CMIP: variants seen among roughly 807,000 people sequenced by gnomAD.
CMIP encodes the protein C-Maf-inducing protein.
A neutral mutation model predicts 97.3 loss-of-function variants in CMIP; 13 were observed. That is an observed-to-expected ratio of 0.13 (90% CI 0.09 to 0.21). CMIP has a LOEUF of 0.21. CMIP is among the 10% of genes least tolerant of loss of function. The pLI is 1.00. For synonymous variants in CMIP, 538 were observed against 436.3 expected, an observed-to-expected ratio of 1.23 and a Z score of -2.91; for missense variants, 847 against 1,024.9, an observed-to-expected ratio of 0.83 and a Z score of 2.37.
At chr16:81,645,375 C>A (rs1191939529) in intron 3 of CMIP, 4 of 1,455,184 alleles carry the variant, frequency 2.7e-6, no homozygotes, top group Non-Finnish European at 3.6e-6. Flanking sequence ...CGCGCGAGCC[C>A]CAGAGGCTGC....
intron 1 of CMIP, among the ~76,000 whole-genome samples, chr16:81,560,223 GTTTT>G (rs758040541): frequency 7.8e-4 from 85 of 108,498 alleles, no homozygotes; most frequent in Middle Eastern, 4.9e-3. Context: ...GTTTTGTTTT[GTTTT>G]TTTTTTTTTG....
intron 9 of CMIP, among the ~76,000 whole-genome samples, chr16:81,676,125 T>G (rs1904303970): frequency 6.6e-6 from 1 of 152,160 alleles, no homozygotes; most frequent in Non-Finnish European, 1.5e-5. Flanking sequence ...GGCAAGGAGA[T>G]GCCAGGTTGG....
rs1381906760 is a variant in CMIP at position 81,660,890 on chromosome 16, G to A, written c.688G>A (p.Ala230Thr). The change falls in exon 6 of 21, where the codon GCT becomes ACT. Residue 230 changes from alanine (A) to threonine (T), a missense_variant. Ala to Thr is a moderately conservative substitution (Grantham distance 58). This residue lies in a region of CMIP where 285 missense variants were observed against 392.2 expected (regional missense o/e 0.73). Coordinates refer to ENST00000537098, the MANE Select transcript of CMIP (RefSeq NM_198390.3). ...QEHENIIVAI[A>T]PLLENNHPPP... ...CTTGTTTGTTGTGTTTCAGGCAATC[G>A]CTCCTTTGCTGGAAAACAACCACCC... 1 of 1,613,880 alleles carries A rather than the reference G, an allele frequency of 6.2e-7. No homozygotes were observed. Among genetic ancestry groups the A allele is most frequent in the Non-Finnish European group, 8.5e-7 (1 of 1,179,880 alleles).
chr16:81,600,275 G>GAAAAAAAAAAAA (rs71146022), intron 1 of CMIP, among the ~76,000 whole-genome samples: 3 of 81,674 alleles, frequency 3.7e-5, no homozygotes, highest in African/African-American at 1.5e-4. Flanking sequence ...GACTCCATCT[G>GAAAAAAAAAAAA]AAAAAAAAAA....
chr16:81,521,718 C>T (rs1282411824), intron 1 of CMIP, among the ~76,000 whole-genome samples: 1 of 152,154 alleles, frequency 6.6e-6, no homozygotes, highest in African/African-American at 2.4e-5. Context: ...CAGGAGAAAC[C>T]AATTGGCTTT....
chr16:81,459,696 A>G (rs567111210), intron 1 of CMIP, among the ~76,000 whole-genome samples: 1 of 152,272 alleles, frequency 6.6e-6, no homozygotes, highest in East Asian at 1.9e-4. Context: ...CCGTGGGGTA[A>G]ACTGCGTAGC....
chr16:81,560,944 A>G (rs180729270), intron 1 of CMIP, among the ~76,000 whole-genome samples: 2 of 152,074 alleles, frequency 1.3e-5, no homozygotes, highest in Non-Finnish European at 2.9e-5. Flanking sequence ...ACCTATCCCC[A>G]TTGTTAAGAG....
intron 1 of CMIP, among the ~76,000 whole-genome samples, chr16:81,499,303 G>A (rs1400414335): frequency 6.6e-6 from 1 of 152,116 alleles, no homozygotes; most frequent in Non-Finnish European, 1.5e-5. Flanking sequence ...ATGCATGGAA[G>A]GACACTCGGC....
intron 1 of CMIP, among the ~76,000 whole-genome samples, chr16:81,576,980 A>G (rs2091199876): frequency 6.6e-6 from 1 of 152,028 alleles, no homozygotes; most frequent in Non-Finnish European, 1.5e-5. Context: ...CACCACTATT[A>G]GCATCACCAC....
At chr16:81,460,235 G>A (rs983012178) in intron 1 of CMIP, among the ~76,000 whole-genome samples, 19 of 152,150 alleles carry the variant, frequency 1.2e-4, no homozygotes, top group Admixed American at 1.1e-3. Context: ...GGTGGGTCTG[G>A]CCAGTGGAGA....
chr16:81,710,794 C>G lies in CMIP; in HGVS notation c.*995C>G, dbSNP rs1180330879. On this transcript the variant is annotated 3_prime_UTR_variant, in exon 21 of 21. Coordinates refer to ENST00000537098, the MANE Select transcript of CMIP (RefSeq NM_198390.3). ...TAGACTTGAATGGGAGGCTGCTAAC[C>G]CGCCCTCTCCAGTCCACCCCGGTAA... The G allele has an allele frequency of 1.3e-5, 2 of 152,142 alleles. No homozygotes were observed. Among genetic ancestry groups the G allele is most frequent in the Admixed American group, 1.3e-4 (2 of 15,264 alleles). The allele number at this position is 152,142 out of a possible 1,614,324, so 9.4% of individuals were successfully genotyped here.
chr16:81,589,703 G>A (rs938038471), intron 1 of CMIP, among the ~76,000 whole-genome samples: 4 of 152,128 alleles, frequency 2.6e-5, no homozygotes, highest in South Asian at 2.1e-4. Flanking sequence ...TAGTATTTTC[G>A]AAGAAAAGTT....
rs753384167 is a variant in CMIP, at chr16:81,696,653, C to A, written c.1624C>A (p.Leu542Met). The change falls in exon 14 of 21, where the codon CTG becomes ATG. Residue 542 changes from leucine (L) to methionine (M), a missense_variant. By Grantham distance (15) the Leu-to-Met change is conservative. This residue lies in a region of CMIP where 266 missense variants were observed against 384.2 expected (regional missense o/e 0.69). Transcript: ENST00000537098. ...GGVACDDDGE[L>M]FASMVHILMG... ...GGTGGCCTGCGACGATGACGGGGAG[C>A]TGTTCGCCAGCATGGTACGCAGTGG... The A allele has an allele frequency of 1.2e-6, 2 of 1,606,260 alleles. No individual in the cohort carries two copies. Among genetic ancestry groups the A allele is most frequent in the Non-Finnish European group, 1.7e-6 (2 of 1,179,768 alleles).
At chr16:81,704,232 GCCCCCC>G (rs1478181306) in intron 18 of CMIP, 147 bp downstream of exon 18, 6 of 428,492 alleles carry the variant, frequency 1.4e-5, no homozygotes, top group Non-Finnish European at 2.0e-5. Context: ...CCTCCTCCCT[GCCCCCC>G]TTACTCTCCT....
At chr16:81,477,613 C>G (rs1239654084) in intron 1 of CMIP, among the ~76,000 whole-genome samples, 1 of 152,238 alleles carries the variant, frequency 6.6e-6, no homozygotes, top group Non-Finnish European at 1.5e-5. Flanking sequence ...ATGTAAGACT[C>G]CGGGATCATA....
At chr16:81,580,503 G>A (rs140197975) in intron 1 of CMIP, among the ~76,000 whole-genome samples, 304 of 150,852 alleles carry the variant, frequency 2.0e-3, no homozygotes, top group South Asian at 3.6e-3. Flanking sequence ...GCGTGATCTC[G>A]GCTCACTGCA....
At chr16:81,669,278 C>A (rs1211768626) in intron 7 of CMIP, among the ~76,000 whole-genome samples, 3 of 108,554 alleles carry the variant, frequency 2.8e-5, no homozygotes, top group Non-Finnish European at 3.9e-5. Context: ...CCACATCCAC[C>A]TCACACCTCC....
Position 81,678,342 on chromosome 16 carries a change from A to G in CMIP, c.1102A>G (p.Thr368Ala). 1 of 1,612,946 alleles carries G rather than the reference A, an allele frequency of 6.2e-7. No individual in the cohort carries two copies. The highest frequency in any genetic ancestry group is 2.2e-5 in the East Asian group (1 of 44,850). Reference sequence around the variant, plus strand: ...CCAGCAGCCGTGCGACCGGAAGCCCACTTTACCTCTGCGCCTTCTGCACCC... The same window carrying G: ...CCAGCAGCCGTGCGACCGGAAGCCCGCTTTACCTCTGCGCCTTCTGCACCC... ...GCQQPCDRKP[T>A]LPLRLLHPSP... Residue 368 changes from threonine (T) to alanine (A), a missense_variant, in exon 10 of 21, where the codon ACT (threonine) becomes GCT (alanine). This residue lies in a region of CMIP where 202 missense variants were observed against 168.7 expected (regional missense o/e 1.20). Coordinates refer to ENST00000537098, the MANE Select transcript of CMIP (RefSeq NM_198390.3).
chr16:81,464,761 T>G (rs1274098272), intron 1 of CMIP: 2 of 152,264 alleles, frequency 1.3e-5, no homozygotes, highest in African/African-American at 2.4e-5. Flanking sequence ...ACTTGCTGTC[T>G]CTATGAGTTT....
Sources: gnomAD v4.1 joint callset for allele counts (sites outside exome capture counted in the v4.1 genomes callset) on GRCh38, gnomAD v4.1.1 for gene constraint, gnomAD v4.1.1 regional missense constraint, MANE v1.5 for transcripts, NCBI Gene and HGNC (gene_info 2026-07-23, HGNC 2026-07-21) for gene names.